The following NHERF2 variants were observed in gnomAD, a reference collection of about 807,000 sequenced individuals.
The protein encoded by NHERF2 is NHERF family PDZ scaffold protein 2, also known as Na(+)/H(+) exchange regulatory cofactor NHE-RF2.
At chr16:2,033,056 CTG>C in the NHERF2 span, 1 of 1,298,532 alleles carries the variant, frequency 7.7e-7, no homozygotes. Flanking sequence ...GGACTCCTCC[CTG>C]TCCCCTCAGC....
chr16:2,036,138 GC>G, the NHERF2 span: 3 of 580,042 alleles, frequency 5.2e-6, no homozygotes, highest in African/African-American at 5.7e-5. Flanking sequence ...AACAGGCTTT[GC>G]CCAAGTTCCC....
chr16:2,038,756 C>T, the NHERF2 span: 1 of 174,696 alleles, frequency 5.7e-6, no homozygotes, highest in African/African-American at 2.4e-5. Context: ...GGCCCCACGT[C>T]CCCGAGGAGG....
the NHERF2 span, chr16:2,029,803 A>G: frequency 6.6e-3 from 10,197 of 1,542,006 alleles, 553 homozygotes; most frequent in African/African-American, 0.12. Flanking sequence ...CTTGGCCCAC[A>G]GGGACCACCC....
chr16:2,036,615 C>G, the NHERF2 span: 69 of 1,534,548 alleles, frequency 4.5e-5, no homozygotes, highest in African/African-American at 7.2e-4. Flanking sequence ...TGGTGCGCCT[C>G]CTGCTGCCTC....
chr16:2,036,184 C>T, the NHERF2 span: 1 of 820,914 alleles, frequency 1.2e-6, no homozygotes, highest in South Asian at 1.9e-5. Flanking sequence ...GCCTGGGTGC[C>T]CGGAGTGTTT....
the NHERF2 span, chr16:2,035,986 C>G: frequency 6.6e-6 from 2 of 302,940 alleles, no homozygotes; most frequent in African/African-American, 2.2e-5. Context: ...GACAACCGCC[C>G]CAGGAGGCCA....
the NHERF2 span, among the ~76,000 whole-genome samples, chr16:2,037,218 C>T: frequency 2.6e-5 from 4 of 152,218 alleles, no homozygotes; most frequent in South Asian, 2.1e-4. Flanking sequence ...CTTCTGTCCT[C>T]TCCTGGGCAC....
chr16:2,037,130 C>T, the NHERF2 span: 2 of 1,116,568 alleles, frequency 1.8e-6, no homozygotes, highest in Non-Finnish European at 2.6e-6. Flanking sequence ...TGTCACCTCC[C>T]TTTAATGCCC....
the NHERF2 span, among the ~76,000 whole-genome samples, chr16:2,029,161 G>A: frequency 6.6e-6 from 1 of 152,222 alleles, no homozygotes; most frequent in African/African-American, 2.4e-5. Flanking sequence ...CTTCAAACCT[G>A]GACGGAGACA....
At chr16:2,027,289 C>A in the NHERF2 span, 1 of 975,854 alleles carries the variant, frequency 1.0e-6, no homozygotes, top group South Asian at 4.0e-5. Flanking sequence ...GAGCAGGGGT[C>A]GCACGGGGGC....
the NHERF2 span, chr16:2,037,852 C>T: frequency 1.3e-6 from 2 of 1,597,470 alleles, no homozygotes; most frequent in South Asian, 2.3e-5. Flanking sequence ...AGCAAGATCC[C>T]TTCCAGGAGA....
the NHERF2 span, among the ~76,000 whole-genome samples, chr16:2,030,050 G>C: frequency 6.6e-6 from 1 of 152,294 alleles, no homozygotes; most frequent in African/African-American, 2.4e-5. Context: ...CTATCGAGGG[G>C]TCACTCTGAC....
the NHERF2 span, chr16:2,033,027 G>A: frequency 1.5e-4 from 188 of 1,235,868 alleles, no homozygotes; most frequent in Non-Finnish European, 1.8e-4. Context: ...CAACAGGACC[G>A]TCCTGTGTTC....
the NHERF2 span, chr16:2,035,535 C>T: frequency 1.0e-6 from 1 of 986,574 alleles, no homozygotes; most frequent in South Asian, 4.7e-5. Context: ...CCTGAGCTGC[C>T]TCCTGCCTGC....
the NHERF2 span, chr16:2,029,743 G>C: frequency 1.3e-6 from 2 of 1,554,292 alleles, no homozygotes; most frequent in Non-Finnish European, 1.7e-6. Flanking sequence ...AGCCAGACTG[G>C]GCACACACCG....
At chr16:2,035,075 G>A in the NHERF2 span, among the ~76,000 whole-genome samples, 1 of 152,114 alleles carries the variant, frequency 6.6e-6, no homozygotes, top group Non-Finnish European at 1.5e-5. Context: ...CTGGTGTGAC[G>A]GGCTGGGTGG....
the NHERF2 span, among the ~76,000 whole-genome samples, chr16:2,031,165 G>A: frequency 6.6e-6 from 1 of 152,238 alleles, no homozygotes; most frequent in South Asian, 2.1e-4. Context: ...CAGGGAGACA[G>A]CATTCCCTGT....
At chr16:2,036,348 C>A in the NHERF2 span, 1 of 1,610,382 alleles carries the variant, frequency 6.2e-7, no homozygotes, top group Non-Finnish European at 8.5e-7. Flanking sequence ...CCTGAGGGAG[C>A]TGCGCCCTCG....
the NHERF2 span, chr16:2,036,261 G>C: frequency 6.7e-7 from 1 of 1,495,266 alleles, no homozygotes; most frequent in Non-Finnish European, 9.0e-7. Flanking sequence ...GGCACCACCG[G>C]GGAGTGGCCT....
Sources: gnomAD v4.1 joint callset for allele counts (sites outside exome capture counted in the v4.1 genomes callset) on GRCh38, gnomAD v4.1.1 for gene constraint, MANE v1.5 for transcripts, NCBI Gene and HGNC (gene_info 2026-07-23, HGNC 2026-07-21) for gene names.